The following XPO4 variants were observed in gnomAD, a reference collection of about 807,000 sequenced individuals.
XPO4 encodes the protein exportin-4.
XPO4 carries 39 observed loss-of-function variants against 143.0 expected under a neutral mutation model. The ratio of observed to expected loss-of-function variants is 0.27; its 90% CI spans 0.21 to 0.36. The LOEUF (loss-of-function observed/expected upper bound fraction) is 0.36, where lower values mean the gene tolerates loss of function less well. XPO4 is among the 10% of genes least tolerant of loss of function. XPO4 has a pLI of 1.00. For synonymous variants in XPO4, 439 were observed against 474.0 expected (o/e 0.93, Z 0.96); for missense variants, 907 against 1,348.0 (o/e 0.67, Z 5.12).
At chr13:20,809,010 C>A in intron 11 of XPO4, 73 bp downstream of exon 11, 2 of 1,531,978 alleles carry the variant, frequency 1.3e-6, no homozygotes, top group Admixed American at 2.0e-5. Flanking sequence ...AGTCTTTAAA[C>A]ACTTTAAGTG....
chr13:20,845,813 T>G (rs1270687222), intron 4 of XPO4, among the ~76,000 whole-genome samples: 6 of 152,164 alleles, frequency 3.9e-5, no homozygotes, highest in Non-Finnish European at 7.4e-5. Context: ...TAAATCAAAT[T>G]AATGAGATTC....
rs537461718 is a variant in XPO4, at chr13:20,840,497, C to T, written c.727+2398G>A. Among the ~76,000 whole-genome samples the T allele has an allele frequency of 3.6e-4, 55 of 152,200 alleles. 1 individual carries two copies. Among genetic ancestry groups the T allele is most frequent in the African/African-American group, 1.3e-3 (55 of 41,548 alleles). On this transcript the variant is annotated intron_variant, in intron 6 of 22. Coordinates refer to ENST00000255305, the MANE Select transcript of XPO4 (RefSeq NM_022459.5). ...TTCTGGGATTACAAGAGTGAGCCAC[C>T]GCACCCAGCAGATAAACCATCTTTT...
intron 1 of XPO4, among the ~76,000 whole-genome samples, chr13:20,901,285 A>C (rs2060618111): frequency 6.6e-6 from 1 of 152,214 alleles, no homozygotes; most frequent in Non-Finnish European, 1.5e-5. Flanking sequence ...AGATATTGGA[A>C]AACACAAATA....
At chr13:20,808,846 G>C (rs148760689) in intron 11 of XPO4, among the ~76,000 whole-genome samples, 22 of 152,140 alleles carry the variant, frequency 1.4e-4, no homozygotes, top group Middle Eastern at 3.4e-3. Flanking sequence ...TACTGATATG[G>C]GTCAAATCAT....
intron 20 of XPO4, among the ~76,000 whole-genome samples, 182 bp from the exon 21 acceptor site, chr13:20,787,780 A>G (rs989658238): frequency 5.3e-5 from 8 of 152,318 alleles, no homozygotes; most frequent in African/African-American, 1.9e-4. Flanking sequence ...TGTTTTTCAG[A>G]TTGCCTATAA....
intron 1 of XPO4, among the ~76,000 whole-genome samples, chr13:20,895,020 A>C (rs189959323): frequency 4.1e-3 from 621 of 151,930 alleles, no homozygotes; most frequent in Non-Finnish European, 6.6e-3. Flanking sequence ...TCTACTAAAA[A>C]CACCAAAATT....
chr13:20,786,034 C>T (rs1337284871), intron 22 of XPO4, among the ~76,000 whole-genome samples: 1 of 151,748 alleles, frequency 6.6e-6, no homozygotes, highest in Non-Finnish European at 1.5e-5. Flanking sequence ...AGACGACTAC[C>T]TTGCTAGTAA....
chr13:20,837,201 T>C (rs2059926086), intron 6 of XPO4, among the ~76,000 whole-genome samples: 2 of 152,124 alleles, frequency 1.3e-5, no homozygotes, highest in Admixed American at 1.3e-4. Flanking sequence ...TAATTGCTTG[T>C]GTGGGGCTGT....
chr13:20,847,906 G>A (rs1198566528), intron 4 of XPO4, among the ~76,000 whole-genome samples: 2 of 152,156 alleles, frequency 1.3e-5, no homozygotes, highest in Non-Finnish European at 2.9e-5. Flanking sequence ...TGTTAATTTT[G>A]TAAATGCAGC....
intron 1 of XPO4, 177 bp downstream of exon 1, chr13:20,902,493 C>T: frequency 1.0e-6 from 1 of 985,408 alleles, no homozygotes; most frequent in Non-Finnish European, 1.2e-6. Flanking sequence ...GAGGGGACGA[C>T]GGCAGGAGGA....
At chr13:20,853,822 T>G (rs568396318) in intron 4 of XPO4, among the ~76,000 whole-genome samples, 1 of 152,166 alleles carries the variant, frequency 6.6e-6, no homozygotes, top group Non-Finnish European at 1.5e-5. Flanking sequence ...ACATTTCACA[T>G]CACCAACTGC....
intron 1 of XPO4, among the ~76,000 whole-genome samples, chr13:20,890,578 CGCT>C (rs2060502496): frequency 6.6e-6 from 1 of 151,740 alleles, no homozygotes; most frequent in Non-Finnish European, 1.5e-5. Flanking sequence ...GCAGGCAGAT[CGCT>C]TGAGCTCAGG....
intron 6 of XPO4, among the ~76,000 whole-genome samples, chr13:20,836,619 G>A (rs561991999): frequency 7.2e-5 from 11 of 152,270 alleles, no homozygotes; most frequent in African/African-American, 2.4e-4. Context: ...GTTGACCTGT[G>A]TGAAGTGGGT....
At chr13:20,793,607 G>A (rs1284188682) in intron 18 of XPO4, among the ~76,000 whole-genome samples, 1 of 152,104 alleles carries the variant, frequency 6.6e-6, no homozygotes, top group African/African-American at 2.4e-5. Context: ...AGGCTGGAGT[G>A]CTGTAGCACA....
intron 4 of XPO4, among the ~76,000 whole-genome samples, chr13:20,853,877 T>C (rs1278045980): frequency 6.6e-6 from 1 of 152,172 alleles, no homozygotes; most frequent in Non-Finnish European, 1.5e-5. Flanking sequence ...AGCACAGACA[T>C]AGAACACTTC....
rs2059136709 is a variant in XPO4, at chr13:20,781,041, GAAC to G, written c.*2678_*2680del. The G allele has an allele frequency of 1.3e-5, 2 of 152,074 alleles. No homozygotes were observed. The highest frequency in any genetic ancestry group is 6.5e-5 in the Admixed American group (1 of 15,272). The allele number at this position is 152,074 out of a possible 1,614,324, so 9.4% of individuals were successfully genotyped here. ...AACTAGAGGTTAAAGGATACTATAT[GAAC>G]AACAGAAATTTTATAAAACAAAAAT... On this transcript the variant is annotated 3_prime_UTR_variant, in exon 23 of 23. Transcript: ENST00000255305.
chr13:20,863,059 A>G, intron 2 of XPO4: 1 of 1,273,158 alleles, frequency 7.9e-7, no homozygotes, highest in Non-Finnish European at 9.9e-7. Context: ...GCAGCTAATC[A>G]CCGATCACAA....
chr13:20,848,467 T>C, intron 4 of XPO4: 2 of 985,458 alleles, frequency 2.0e-6, no homozygotes, highest in Non-Finnish European at 2.4e-6. Flanking sequence ...TCAAATTGCA[T>C]AATGCTTAAA....
chr13:20,862,069 G>A (rs575937596), intron 3 of XPO4, among the ~76,000 whole-genome samples: 1 of 152,208 alleles, frequency 6.6e-6, no homozygotes, highest in East Asian at 1.9e-4. Flanking sequence ...TTACAGGTGT[G>A]AGTCACCACA....
Sources: allele counts gnomAD v4.1 joint callset (sites outside exome capture counted in the v4.1 genomes callset), GRCh38; gene constraint gnomAD v4.1.1; transcripts MANE v1.5; gene names NCBI Gene and HGNC (gene_info 2026-07-23, HGNC 2026-07-21).